Variants in LIMS1 observed in about 807,000 individuals in gnomAD.
LIMS1 encodes the protein LIM and senescent cell antigen-like-containing domain protein 1.
Under a neutral mutation model 44.1 loss-of-function variants are expected in LIMS1, and 18 were observed. The observed-to-expected ratio is 0.41, with a 90% CI of 0.28 to 0.61. The LOEUF (loss-of-function observed/expected upper bound fraction) is 0.61, where lower values mean the gene tolerates loss of function less well. Ranked by LOEUF, LIMS1 falls within the 20% of genes least tolerant of loss-of-function variation. The pLI, the probability that LIMS1 is intolerant of heterozygous loss-of-function variation, is 0.32. For synonymous variants in LIMS1, 93 were observed against 149.1 expected (o/e 0.62, Z 2.74); for missense variants, 201 against 422.0 (o/e 0.48, Z 4.59).
At chr2:108,537,110 C>T (rs184888300) in intron 1 of LIMS1, among the ~76,000 whole-genome samples, 184 of 152,294 alleles carry the variant, frequency 1.2e-3, no homozygotes, top group African/African-American at 4.3e-3. Context: ...CTCTTTAGTG[C>T]TAAGCGGCCA....
chr2:108,612,977 G>A (rs147402368), intron 1 of LIMS1, among the ~76,000 whole-genome samples: 57 of 152,280 alleles, frequency 3.7e-4, no homozygotes, highest in African/African-American at 1.3e-3. Context: ...GGACAGTGCA[G>A]TTTAATGACT....
intron 1 of LIMS1, among the ~76,000 whole-genome samples, chr2:108,630,192 C>CAAAAAAAAAAAA (rs59941456): frequency 9.6e-6 from 1 of 103,952 alleles, no homozygotes; most frequent in African/African-American, 4.1e-5. Flanking sequence ...GACCCTGTCT[C>CAAAAAAAAAAAA]AAAAAAAAAA....
intron 1 of LIMS1, among the ~76,000 whole-genome samples, chr2:108,604,442 G>A (rs1439856893): frequency 2.6e-5 from 4 of 152,130 alleles, no homozygotes; most frequent in African/African-American, 9.7e-5. Context: ...TTTTACAGAA[G>A]TTTGATGATT....
chr2:108,552,091 T>G (rs1684762613), intron 1 of LIMS1, among the ~76,000 whole-genome samples: 1 of 146,284 alleles, frequency 6.8e-6, no homozygotes, highest in Admixed American at 7.0e-5. Context: ...TATATACATA[T>G]GTATATTGAG....
intron 1 of LIMS1, among the ~76,000 whole-genome samples, chr2:108,589,377 T>C (rs753077534): frequency 2.0e-4 from 31 of 152,228 alleles, no homozygotes; most frequent in Non-Finnish European, 3.5e-4. Context: ...TTTTGAGATA[T>C]ACAATACAGT....
intron 1 of LIMS1, among the ~76,000 whole-genome samples, chr2:108,579,839 A>G (rs1436521338): frequency 1.3e-5 from 2 of 152,210 alleles, no homozygotes; most frequent in African/African-American, 4.8e-5. Flanking sequence ...TCCCAGAGGA[A>G]GCGACCTCTT....
intron 1 of LIMS1, among the ~76,000 whole-genome samples, chr2:108,630,701 C>T (rs536224636): frequency 2.7e-5 from 4 of 149,222 alleles, no homozygotes; most frequent in African/African-American, 1.0e-4. Context: ...TATAACAAAG[C>T]CCCTGAGATT....
chr2:108,624,229 T>C (rs1040446374), intron 1 of LIMS1, among the ~76,000 whole-genome samples: 2 of 152,236 alleles, frequency 1.3e-5, no homozygotes, highest in Non-Finnish European at 2.9e-5. Context: ...ATCTAAGATA[T>C]ACCCATGTAC....
At chr2:108,575,392 AT>A (rs1685631594) in intron 1 of LIMS1, among the ~76,000 whole-genome samples, 1 of 152,252 alleles carries the variant, frequency 6.6e-6, no homozygotes, top group Admixed American at 6.5e-5. Flanking sequence ...GTTAGCTGAA[AT>A]AGTAGAGATT....
rs559835764 is a variant in LIMS1, at chr2:108,534,506, C to T, written c.-57C>T. On this transcript the variant is annotated 5_prime_UTR_variant, in exon 1 of 10. Transcript: ENST00000544547. ...GCGGCGGCGAGGGACTAGGACGCGG[C>T]TGGAGCGGCGCCGGGAGACGAGGGG... 12 of 1,178,554 alleles carry T rather than the reference C, an allele frequency of 1.0e-5. No homozygotes were observed. The East Asian group carries it at 4.7e-4, about 46-fold the overall frequency. The allele number at this position is 1,178,554 out of a possible 1,614,324, so 73.0% of individuals were successfully genotyped here. A position where few individuals can be genotyped will look rare whatever the true frequency, so the allele number is the denominator to read the frequency against.
intron 1 of LIMS1, among the ~76,000 whole-genome samples, chr2:108,553,376 G>C (rs567600036): frequency 4.6e-5 from 7 of 152,270 alleles, no homozygotes; most frequent in African/African-American, 2.4e-5. Flanking sequence ...TAAACTTGGA[G>C]AGCCAGTTGA....
At chr2:108,673,088 C>G (rs1391470748) in intron 5 of LIMS1, 59 bp downstream of exon 5, 4 of 1,277,706 alleles carry the variant, frequency 3.1e-6, no homozygotes. Context: ...TTACATTTAT[C>G]TATATTTCTG....
At chr2:108,568,302 A>G (rs1052753255) in intron 1 of LIMS1, among the ~76,000 whole-genome samples, 1 of 152,176 alleles carries the variant, frequency 6.6e-6, no homozygotes, top group African/African-American at 2.4e-5. Flanking sequence ...TTCTTTTGTG[A>G]CTGGCTTTCT....
chr2:108,628,697 C>T (rs1303544471), intron 1 of LIMS1, among the ~76,000 whole-genome samples: 4 of 152,196 alleles, frequency 2.6e-5, no homozygotes, highest in Non-Finnish European at 5.9e-5. Flanking sequence ...AACTCCTGAC[C>T]TCAGGTGATC....
exon 10 of LIMS1, chr2:108,684,307 A>G (rs1223146683): frequency 1.3e-5 from 2 of 158,624 alleles, no homozygotes; most frequent in African/African-American, 2.4e-5. Flanking sequence ...AACTTTTTAA[A>G]ATGAAAGGAG....
At chr2:108,670,718 A>G (rs1692107361) in intron 2 of LIMS1, 63 bp from the exon 3 acceptor site, 1 of 1,606,906 alleles carries the variant, frequency 6.2e-7, no homozygotes, top group East Asian at 2.2e-5. Context: ...TATCTTCATC[A>G]AATAATTATA....
chr2:108,610,060 G>A (rs1405544206), intron 1 of LIMS1, among the ~76,000 whole-genome samples: 2 of 152,076 alleles, frequency 1.3e-5, no homozygotes, highest in African/African-American at 2.4e-5. Flanking sequence ...GGAGAATGGC[G>A]TGAACCTGGG....
intron 1 of LIMS1, among the ~76,000 whole-genome samples, chr2:108,543,014 C>T (rs754216003): frequency 6.6e-6 from 1 of 152,128 alleles, no homozygotes; most frequent in South Asian, 2.1e-4. Context: ...AATTTGTGTC[C>T]ATTATATACA....
At chr2:108,544,777 G>A (rs146176644) in intron 1 of LIMS1, among the ~76,000 whole-genome samples, 5,546 of 152,182 alleles carry the variant, frequency 0.036, 349 homozygotes, top group African/African-American at 0.13. Flanking sequence ...TTACAGGTGT[G>A]AGCCACCACA....
Sources: allele counts gnomAD v4.1 joint callset (sites outside exome capture counted in the v4.1 genomes callset), GRCh38; gene constraint gnomAD v4.1.1; transcripts MANE v1.5; gene names NCBI Gene and HGNC (gene_info 2026-07-23, HGNC 2026-07-21).